The following ACYP2 variants were observed in gnomAD, a reference collection of about 807,000 sequenced individuals.
ACYP2 encodes acylphosphatase-2.
In ACYP2, 12 loss-of-function variants were observed where a neutral mutation model predicts 11.2. That is an observed-to-expected ratio of 1.08 (90% CI 0.69 to 1.74). The LOEUF (loss-of-function observed/expected upper bound fraction) is 1.74, where lower values mean the gene tolerates loss of function less well. Ranked by LOEUF, ACYP2 falls within the 40% of genes most tolerant of loss-of-function variation. The pLI, the probability that ACYP2 is intolerant of heterozygous loss-of-function variation, is 0.00. For missense variants in ACYP2, 134 were observed against 101.9 expected (o/e 1.31, Z -1.35); for synonymous variants, 43 against 32.2 (o/e 1.33, Z -1.13).
intron 2 of ACYP2, among the ~76,000 whole-genome samples, chr2:54,010,237 A>C (rs1286888263): frequency 6.6e-6 from 1 of 152,116 alleles, no homozygotes; most frequent in African/African-American, 2.4e-5. Context: ...TAATCCCAGC[A>C]CTTTGGGAGG....
intron 6 of ACYP2, among the ~76,000 whole-genome samples, chr2:54,148,795 C>T (rs1379681535): frequency 6.6e-6 from 1 of 152,082 alleles, no homozygotes; most frequent in East Asian, 1.9e-4. Context: ...GAATTTATTC[C>T]TCTAGTGCAA....
chr2:54,043,020 G>C (rs1376723893), intron 2 of ACYP2, among the ~76,000 whole-genome samples: 1 of 152,114 alleles, frequency 6.6e-6, no homozygotes, highest in African/African-American at 2.4e-5. Flanking sequence ...CCTGACCAAA[G>C]CCTTGTTACT....
chr2:54,052,140 A>G (rs551070739), intron 3 of ACYP2, among the ~76,000 whole-genome samples: 3 of 152,266 alleles, frequency 2.0e-5, no homozygotes, highest in East Asian at 3.9e-4. Flanking sequence ...AAGATGAAGA[A>G]GATGATGATG....
chr2:54,001,434 C>T (rs182555820), intron 2 of ACYP2, among the ~76,000 whole-genome samples: 40 of 152,226 alleles, frequency 2.6e-4, no homozygotes, highest in Admixed American at 1.7e-3. Flanking sequence ...GCTCTTGTCG[C>T]CCAGGTTGAA....
chr2:54,011,632 C>T (rs998168688), intron 2 of ACYP2, among the ~76,000 whole-genome samples: 1 of 152,154 alleles, frequency 6.6e-6, no homozygotes, highest in African/African-American at 2.4e-5. Flanking sequence ...TGGTCTGTGT[C>T]ATTTAGCAAT....
intron 4 of ACYP2, among the ~76,000 whole-genome samples, chr2:54,083,242 G>T (rs922131126): frequency 1.2e-4 from 18 of 152,154 alleles, no homozygotes; most frequent in Admixed American, 3.9e-4. Flanking sequence ...CCCGCCAGGG[G>T]TCAGTTTGCG....
chr2:54,003,650 G>C (rs1000406152), intron 2 of ACYP2, among the ~76,000 whole-genome samples: 45 of 152,158 alleles, frequency 3.0e-4, no homozygotes, highest in African/African-American at 1.0e-3. Flanking sequence ...AAGGTATCTT[G>C]TTTTTTTCCC....
chr2:54,277,825 AATAAT>A (rs1201332836), intron 6 of ACYP2, among the ~76,000 whole-genome samples: 15 of 152,178 alleles, frequency 9.9e-5, no homozygotes, highest in Admixed American at 7.2e-4. Context: ...ACCTTTATGT[AATAAT>A]ATATTACTTG....
intron 6 of ACYP2, among the ~76,000 whole-genome samples, chr2:54,293,979 G>T (rs1044195393): frequency 2.0e-5 from 3 of 152,170 alleles, no homozygotes; most frequent in African/African-American, 7.2e-5. Context: ...TAGTTTAAAA[G>T]CTTGAAATTG....
chr2:54,189,777 C>T (rs10184018), intron 6 of ACYP2, among the ~76,000 whole-genome samples: 1 of 152,090 alleles, frequency 6.6e-6, no homozygotes, highest in African/African-American at 2.4e-5. Context: ...TATTTAGAAG[C>T]CTCCCTACTG....
intron 6 of ACYP2, chr2:54,142,028 TG>T: frequency 1.2e-5 from 5 of 405,838 alleles, no homozygotes; most frequent in African/African-American, 4.1e-5. Flanking sequence ...TTGTTGTTGT[TG>T]TTGTTGTTGT....
At position 54,302,980 on chromosome 2, in the gene ACYP2, C is replaced by A. The variant is rs145299109; in HGVS notation, c.405-1708C>A. 7.1e-3 allele frequency among the ~76,000 whole-genome samples: 1,087 copies of A among 152,220 alleles called. 19 individuals are homozygous for A. The highest frequency in any genetic ancestry group is 0.025 in the African/African-American group (1,045 of 41,526). On this transcript the variant is annotated intron_variant, in intron 6 of 6. Transcript: ENST00000607452. ...CTCTTTTCTCATCAATAACTGGGGGCAATAATAGCCTATGACTTACAGGGT... is the reference window on the plus strand; with the variant it reads ...CTCTTTTCTCATCAATAACTGGGGGAAATAATAGCCTATGACTTACAGGGT...
intron 4 of ACYP2, among the ~76,000 whole-genome samples, chr2:54,114,049 C>G (rs1387371826): frequency 6.6e-6 from 1 of 151,890 alleles, no homozygotes; most frequent in Non-Finnish European, 1.5e-5. Context: ...AATGATTTAA[C>G]CATATTCTAA....
intron 4 of ACYP2, among the ~76,000 whole-genome samples, chr2:54,127,757 A>G (rs868771970): frequency 0.049 from 7,399 of 150,288 alleles, 574 homozygotes; most frequent in African/African-American, 0.17. Context: ...TCTCAAAAAA[A>G]AAAAAAAAAA....
chr2:54,181,544 G>T (rs376860242), intron 6 of ACYP2, among the ~76,000 whole-genome samples: 1 of 152,132 alleles, frequency 6.6e-6, no homozygotes, highest in East Asian at 1.9e-4. Context: ...TTTCTGCCAG[G>T]CCCCACATAA....
Position 54,167,537 on chromosome 2 carries a change from A to AT in ACYP2, c.404+28798dup, listed in dbSNP as rs1161965344. Among the ~76,000 whole-genome samples the AT allele has an allele frequency of 4.0e-5, 6 of 151,874 alleles. No homozygotes were observed. In the East Asian group the frequency reaches 7.7e-4, roughly 20 times the overall value. ...TATCACAAATGTTATATAGATACAG[A>AT]TTTTTTTTTCTGATTTGGATAAATT... On this transcript the variant is annotated intron_variant, in intron 6 of 6. Transcript: ENST00000607452.
chr2:54,046,906 A>G (rs1675557982), intron 2 of ACYP2, among the ~76,000 whole-genome samples: 1 of 152,246 alleles, frequency 6.6e-6, no homozygotes, highest in African/African-American at 2.4e-5. Context: ...AAGTTCTACC[A>G]TTACCTGGCT....
intron 6 of ACYP2, chr2:54,142,805 T>C (rs974760205): frequency 1.3e-4 from 20 of 152,348 alleles, no homozygotes; most frequent in African/African-American, 4.8e-4. Context: ...ACACAGATGT[T>C]GTTCCATTTG....
At position 54,012,641 on chromosome 2, in the gene ACYP2, T is replaced by C. The variant is rs552624649; in HGVS notation, c.63-38317T>C. ...TCAGTCACCAGAATCTGGTGACTCC[T>C]CTATCCTCAGCTCCTCTGTTACTCG... On this transcript the variant is annotated intron_variant, in intron 2 of 6. Coordinates refer to ENST00000607452, the MANE Select transcript of ACYP2 (RefSeq NM_001320586.2). Among the ~76,000 whole-genome samples the C allele has an allele frequency of 1.1e-3, 164 of 152,282 alleles. 1 individual carries two copies. Among genetic ancestry groups the C allele is most frequent in the Middle Eastern group, 3.4e-3 (1 of 294 alleles).
Sources: allele counts gnomAD v4.1 joint callset (sites outside exome capture counted in the v4.1 genomes callset), GRCh38; gene constraint gnomAD v4.1.1; transcripts MANE v1.5; gene names NCBI Gene and HGNC (gene_info 2026-07-23, HGNC 2026-07-21).